Variants in SORCS3 observed in about 807,000 individuals in gnomAD.
SORCS3 encodes sortilin related VPS10 domain containing receptor 3.
SORCS3 carries 57 observed loss-of-function variants against 146.3 expected under a neutral mutation model. The ratio of observed to expected loss-of-function variants is 0.39; its 90% CI spans 0.31 to 0.49. SORCS3 has a LOEUF of 0.49. SORCS3 is among the 20% of genes least tolerant of loss of function. SORCS3 has a pLI of 0.92. For synonymous variants in SORCS3, 653 were observed against 618.5 expected (o/e 1.06, Z -0.83); for missense variants, 1,341 against 1,575.5 (o/e 0.85, Z 2.52).
intron 22 of SORCS3, among the ~76,000 whole-genome samples, chr10:105,250,065 T>G (rs2056889916): frequency 6.6e-6 from 1 of 152,104 alleles, no homozygotes; most frequent in African/African-American, 2.4e-5. Context: ...GCTGGTAGAT[T>G]TGATGTCTGG....
At chr10:105,245,813 G>C in intron 21 of SORCS3, 148 bp downstream of exon 21, 1 of 907,622 alleles carries the variant, frequency 1.1e-6, no homozygotes, top group Non-Finnish European at 1.6e-6. Context: ...ACCTACCTCC[G>C]ACCTAGAGAT....
intron 3 of SORCS3, among the ~76,000 whole-genome samples, chr10:104,969,111 C>G (rs2054843552): frequency 6.6e-6 from 1 of 152,168 alleles, no homozygotes; most frequent in Middle Eastern, 3.2e-3. Context: ...GGCTTAACTT[C>G]TGACAAAATA....
intron 4 of SORCS3, 24 bp downstream of exon 4, chr10:104,977,517 A>G: frequency 6.4e-7 from 1 of 1,571,158 alleles, no homozygotes; most frequent in East Asian, 2.3e-5. Flanking sequence ...ATTTTCATTT[A>G]CTTCTTGTCA....
At chr10:104,855,237 A>T (rs2018316899) in intron 2 of SORCS3, among the ~76,000 whole-genome samples, 1 of 152,202 alleles carries the variant, frequency 6.6e-6, no homozygotes, top group Admixed American at 6.5e-5. Context: ...GTGATATGGT[A>T]AGCCTTAATG....
intron 3 of SORCS3, among the ~76,000 whole-genome samples, chr10:104,920,817 G>A (rs1329591880): frequency 2.0e-5 from 3 of 152,202 alleles, no homozygotes; most frequent in Non-Finnish European, 4.4e-5. Flanking sequence ...TTCAGTCAAA[G>A]TTGTCCTAGA....
rs139777471 is a variant in SORCS3 at position 105,148,250 on chromosome 10, A to T, written c.1482+454A>T. On this transcript the variant is annotated intron_variant, in intron 9 of 26. Transcript: ENST00000369701. ...TTATGGGAAAATAAAAGCGAATATC[A>T]GTGGTGGGAATGAGAGTTTTTCTAA... 1.9e-3 allele frequency among the ~76,000 whole-genome samples: 292 copies of T among 152,210 alleles called. 2 individuals carry two copies. The highest frequency in any genetic ancestry group is 6.6e-3 in the African/African-American group (275 of 41,546).
At chr10:104,950,330 G>A (rs1275285804) in intron 3 of SORCS3, among the ~76,000 whole-genome samples, 1 of 152,200 alleles carries the variant, frequency 6.6e-6, no homozygotes, top group Admixed American at 6.5e-5. Flanking sequence ...TTGGATGCTA[G>A]TTCCTGCAAC....
In SORCS3 at chr10:104,664,160, A is replaced by C. The variant is rs971902789; in HGVS notation, c.627+22206A>C. On this transcript the variant is annotated intron_variant, in intron 1 of 26. Coordinates refer to ENST00000369701, the MANE Select transcript of SORCS3 (RefSeq NM_014978.3). ...AGAAGGTGCAGGCTGTCTTGGGGTG[A>C]CGTTGCATTAAGTGCAGCTTGACTA... Among the ~76,000 whole-genome samples, 4 of 152,168 alleles carry C rather than the reference A, an allele frequency of 2.6e-5. No homozygotes were observed. The South Asian group carries it at 8.3e-4, about 32-fold the overall frequency.
chr10:104,898,360 T>C (rs573479117), intron 2 of SORCS3, among the ~76,000 whole-genome samples: 1 of 152,354 alleles, frequency 6.6e-6, no homozygotes, highest in Non-Finnish European at 1.5e-5. Flanking sequence ...GGAAAATGAA[T>C]GAAGAATAGG....
rs143384728 is a variant in SORCS3 at position 105,260,252 on chromosome 10, A to G, written c.3444-2079A>G. ...CAGTTGACTCTGGTTACAACTGTGA[A>G]GTACACAGGCTTATGTGATCAGGAA... On this transcript the variant is annotated intron_variant, in intron 25 of 26. Transcript: ENST00000369701. Among the ~76,000 whole-genome samples, 97 of 152,336 alleles carry G rather than the reference A, an allele frequency of 6.4e-4. 1 individual carries two copies. In the East Asian group the frequency reaches 0.013, roughly 21 times the overall value.
chr10:104,830,580 C>T (rs1360406126), intron 1 of SORCS3, among the ~76,000 whole-genome samples: 1 of 152,136 alleles, frequency 6.6e-6, no homozygotes, highest in African/African-American at 2.4e-5. Context: ...GGCTGCTTCT[C>T]CCTCCTCCGC....
Position 105,128,843 on chromosome 10 carries a change from G to A in SORCS3, c.1213-10554G>A, listed in dbSNP as rs117105563. On this transcript the variant is annotated intron_variant, in intron 7 of 26. Transcript: ENST00000369701. ...ACAATCTAATCATTGTGTTTGTAGA[G>A]CATTTTCTGGTTACATGAAAGCATT... 4.3e-4 allele frequency among the ~76,000 whole-genome samples: 65 copies of A among 152,250 alleles called. 1 individual carries two copies. The East Asian group carries it at 0.013, about 29-fold the overall frequency.
At chr10:104,853,962 A>C (rs1397691579) in intron 2 of SORCS3, among the ~76,000 whole-genome samples, 2 of 152,194 alleles carry the variant, frequency 1.3e-5, no homozygotes, top group Non-Finnish European at 2.9e-5. Context: ...TTGGTGGATG[A>C]TGAACCCGAG....
At chr10:105,195,600 G>C (rs139271919) in intron 14 of SORCS3, among the ~76,000 whole-genome samples, 79 of 152,290 alleles carry the variant, frequency 5.2e-4, no homozygotes, top group Non-Finnish European at 1.1e-3. Flanking sequence ...TTAATCAGAA[G>C]AGCAATGAAT....
chr10:105,026,385 C>T (rs1157326917), intron 4 of SORCS3, among the ~76,000 whole-genome samples: 2 of 152,194 alleles, frequency 1.3e-5, no homozygotes, highest in Non-Finnish European at 2.9e-5. Flanking sequence ...AGATTGTGGG[C>T]AGTCTTCTCT....
chr10:104,865,795 T>C (rs2018453047), intron 2 of SORCS3, among the ~76,000 whole-genome samples: 1 of 152,198 alleles, frequency 6.6e-6, no homozygotes, highest in African/African-American at 2.4e-5. Flanking sequence ...CTGAGCACAA[T>C]GCATCTGACA....
At chr10:104,691,219 G>A (rs1230070376) in intron 1 of SORCS3, among the ~76,000 whole-genome samples, 1 of 152,166 alleles carries the variant, frequency 6.6e-6, no homozygotes, top group Non-Finnish European at 1.5e-5. Context: ...GGAGACCCCT[G>A]GACCTATCAG....
At chr10:105,028,932 G>C (rs766329401) in intron 4 of SORCS3, among the ~76,000 whole-genome samples, 1 of 152,082 alleles carries the variant, frequency 6.6e-6, no homozygotes, top group Non-Finnish European at 1.5e-5. Context: ...TTCTGTAAAG[G>C]ACTGAATAAG....
chr10:104,919,565 C>T (rs983240570), intron 3 of SORCS3, among the ~76,000 whole-genome samples: 4 of 151,778 alleles, frequency 2.6e-5, no homozygotes, highest in African/African-American at 4.8e-5. Flanking sequence ...TGGTACATGC[C>T]GTAATCCCAG....
Sources: gnomAD v4.1 joint callset for allele counts (sites outside exome capture counted in the v4.1 genomes callset) on GRCh38, gnomAD v4.1.1 for gene constraint, MANE v1.5 for transcripts, NCBI Gene and HGNC (gene_info 2026-07-23, HGNC 2026-07-21) for gene names.